DACH2: variants seen among roughly 807,000 people sequenced by gnomAD.
The protein encoded by DACH2 is dachshund homolog 2.
DACH2 carries 17 observed loss-of-function variants against 35.8 expected under a neutral mutation model. The ratio of observed to expected loss-of-function variants is 0.48; its 90% CI spans 0.33 to 0.71. The LOEUF (loss-of-function observed/expected upper bound fraction) is 0.71, where lower values mean the gene tolerates loss of function less well. Among genes scored for constraint, DACH2 ranks in the 30% least tolerant of loss-of-function variants. DACH2 has a pLI of 0.02. For missense variants in DACH2, 469 were observed against 472.7 expected (o/e 0.99, Z 0.07); for synonymous variants, 195 against 177.3 (o/e 1.10, Z -0.79).
chrX:86,809,188 T>G (rs146069718), intron 7 of DACH2, among the ~76,000 whole-genome samples: 2,787 of 111,754 alleles, frequency 0.025, 86 homozygotes, highest in African/African-American at 0.086. Flanking sequence ...TTTATACTAT[T>G]ATGTTCTATG....
At chrX:86,607,555 G>C (rs893627963) in intron 3 of DACH2, among the ~76,000 whole-genome samples, 1 of 110,761 alleles carries the variant, frequency 9.0e-6, no homozygotes, top group East Asian at 2.8e-4. Context: ...TTATTGTACT[G>C]TCTGATTATC....
chrX:86,585,251 A>G (rs895312103), intron 3 of DACH2, among the ~76,000 whole-genome samples: 2 of 111,316 alleles, frequency 1.8e-5, no homozygotes, highest in African/African-American at 6.5e-5. Flanking sequence ...ACAGTGGCTG[A>G]ACTAATTTAC....
intron 3 of DACH2, among the ~76,000 whole-genome samples, chrX:86,557,322 A>G (rs1307448765): frequency 9.0e-6 from 1 of 111,329 alleles, no homozygotes; most frequent in Non-Finnish European, 1.9e-5. Context: ...TCATAAATTA[A>G]CCATCACAAC....
intron 1 of DACH2, among the ~76,000 whole-genome samples, chrX:86,335,493 T>A (rs1006686958): frequency 2.7e-5 from 3 of 111,470 alleles, no homozygotes; most frequent in Non-Finnish European, 5.6e-5. Flanking sequence ...GATTCCTAGG[T>A]ATTTTATTCT....
rs2039670136 is a variant in DACH2 at position 86,593,284 on chromosome X, T to G, written c.641-57752T>G. On this transcript the variant is annotated intron_variant, in intron 3 of 11. Coordinates refer to ENST00000373125, the MANE Select transcript of DACH2 (RefSeq NM_053281.3). ...ATCTATTAATTTTATCATATTATTT[T>G]TATTCTTTATTCTCTTGATATAACT... Among the ~76,000 whole-genome samples, 3 of 110,415 alleles carry G rather than the reference T, an allele frequency of 2.7e-5. No individual in the cohort carries two copies. The South Asian group carries it at 1.1e-3, about 41-fold the overall frequency.
At chrX:86,542,049 T>A (rs2038891277) in intron 3 of DACH2, among the ~76,000 whole-genome samples, 1 of 112,039 alleles carries the variant, frequency 8.9e-6, no homozygotes, top group Non-Finnish European at 1.9e-5. Flanking sequence ...AAACTATTTT[T>A]TTTTCTTACA....
chrX:86,275,586 T>C (rs1322886642), intron 1 of DACH2, among the ~76,000 whole-genome samples: 1 of 111,616 alleles, frequency 9.0e-6, no homozygotes, highest in East Asian at 2.8e-4. Flanking sequence ...TTTAAATAAG[T>C]ACAGTTAATT....
At chrX:86,502,048 T>TTCCTTCCC (rs1228762688) in intron 2 of DACH2, among the ~76,000 whole-genome samples, 1 of 109,471 alleles carries the variant, frequency 9.1e-6, no homozygotes, top group Non-Finnish European at 1.9e-5. Context: ...CCTTCCTTCC[T>TTCCTTCCC]TCCTTCTTTC....
chrX:86,237,518 G>A (rs1488686795), intron 1 of DACH2, among the ~76,000 whole-genome samples: 6 of 111,045 alleles, frequency 5.4e-5, no homozygotes, highest in Non-Finnish European at 9.4e-5. Context: ...TCCCTGGGGT[G>A]TGCTTTGTCA....
intron 4 of DACH2, among the ~76,000 whole-genome samples, chrX:86,656,857 GTATATA>G (rs752576150): frequency 0.098 from 6,528 of 66,644 alleles, 316 homozygotes; most frequent in East Asian, 0.32. Flanking sequence ...GTGTGTGTGT[GTATATA>G]TATATATATA....
chrX:86,277,297 T>C (rs1228935303), intron 1 of DACH2, among the ~76,000 whole-genome samples: 5 of 111,929 alleles, frequency 4.5e-5, no homozygotes, highest in East Asian at 2.8e-4. Flanking sequence ...TGTAAACAGA[T>C]GACTTTTTTG....
At chrX:86,487,559 G>A (rs2038035735) in intron 2 of DACH2, among the ~76,000 whole-genome samples, 2 of 111,368 alleles carry the variant, frequency 1.8e-5, no homozygotes, top group Admixed American at 1.9e-4. Flanking sequence ...TGCAGTGCAT[G>A]TTAACATGTA....
chrX:86,486,939 A>T (rs1297535107), intron 2 of DACH2, among the ~76,000 whole-genome samples: 1 of 111,952 alleles, frequency 8.9e-6, no homozygotes, highest in East Asian at 2.8e-4. Context: ...GACTTATAAT[A>T]ATGGGCTATG....
chrX:86,824,190 C>A (rs1464515454), intron 11 of DACH2, among the ~76,000 whole-genome samples: 2 of 110,698 alleles, frequency 1.8e-5, no homozygotes, highest in East Asian at 2.9e-4. Flanking sequence ...CGGACACTCC[C>A]AGAACAGCCG....
chrX:86,418,322 A>G (rs2036744304), intron 2 of DACH2, among the ~76,000 whole-genome samples: 1 of 111,922 alleles, frequency 8.9e-6, no homozygotes, highest in Non-Finnish European at 1.9e-5. Context: ...GAGGTCTCTG[A>G]CCCCACAGTT....
chrX:86,400,452 G>T lies in DACH2; in HGVS notation c.527+23590G>T, dbSNP rs186466026. Among the ~76,000 whole-genome samples the T allele has an allele frequency of 2.7e-3, 297 of 111,579 alleles. 1 individual carries two copies. The highest frequency in any genetic ancestry group is 4.4e-3 in the Non-Finnish European group (236 of 53,108). On this transcript the variant is annotated intron_variant, in intron 2 of 11. Transcript: ENST00000373125. ...TGCGTTCCTTTGGAGGAGGAGAGGCGCTCTGAGTTTTATCATTTCCAGTTT... is the reference window on the plus strand; with the variant it reads ...TGCGTTCCTTTGGAGGAGGAGAGGCTCTCTGAGTTTTATCATTTCCAGTTT...
intron 6 of DACH2, among the ~76,000 whole-genome samples, chrX:86,734,105 G>A (rs1255725247): frequency 9.0e-6 from 1 of 110,654 alleles, no homozygotes; most frequent in Non-Finnish European, 1.9e-5. Flanking sequence ...CCACTTGAAG[G>A]TATTTTATGC....
chrX:86,376,406 A>G, intron 1 of DACH2, among the ~76,000 whole-genome samples: 1 of 110,270 alleles, frequency 9.1e-6, no homozygotes, highest in Non-Finnish European at 1.9e-5. Context: ...TGGGATGGGA[A>G]GGAAGGCTCT....
At chrX:86,508,214 T>C (rs767084930) in intron 2 of DACH2, among the ~76,000 whole-genome samples, 2 of 111,789 alleles carry the variant, frequency 1.8e-5, no homozygotes, top group East Asian at 5.6e-4. Context: ...GACAGTGATA[T>C]GATACACAAT....
Sources: allele counts gnomAD v4.1 joint callset (sites outside exome capture counted in the v4.1 genomes callset), GRCh38; gene constraint gnomAD v4.1.1; transcripts MANE v1.5; gene names NCBI Gene and HGNC (gene_info 2026-07-23, HGNC 2026-07-21).